MMS22L: variants seen among roughly 807,000 people sequenced by gnomAD.
The protein encoded by MMS22L is MMS22 like, DNA repair protein.
Under a neutral mutation model 159.1 loss-of-function variants are expected in MMS22L, and 74 were observed. The ratio of observed to expected loss-of-function variants is 0.47; its 90% confidence interval spans 0.39 to 0.56. The LOEUF is 0.56. Ranked by LOEUF, MMS22L falls within the 20% of genes least tolerant of loss-of-function variation. The pLI, the probability that MMS22L is intolerant of heterozygous loss-of-function variation, is 0.00. For missense variants in MMS22L, 1,351 were observed against 1,422.1 expected (o/e 0.95, Z 0.80); for synonymous variants, 517 against 506.9 (o/e 1.02, Z -0.27).
intron 14 of MMS22L, among the ~76,000 whole-genome samples, chr6:97,221,333 C>A (rs1038860157): frequency 4.6e-5 from 7 of 151,876 alleles, no homozygotes; most frequent in Non-Finnish European, 1.0e-4. Context: ...AAAAAGTGAC[C>A]CAAATACTAA....
At position 97,186,576 on chromosome 6, in the gene MMS22L, C is replaced by G. The variant is rs1274180313; in HGVS notation, c.2154G>C (p.Trp718Cys). 2 of 1,612,994 alleles carry G rather than the reference C, an allele frequency of 1.2e-6. No homozygotes were observed. The highest frequency in any genetic ancestry group is 4.5e-5 in the East Asian group (2 of 44,800). ...RHLAAVASAL[W>C]RHFFSFLKSQ... ...TCTTCAAAAATGAAAAGAAATGTCT[C>G]CACAGTGCACTGGCAACTGCAGCAA... is the stretch of plus-strand genomic sequence containing the variant. The change falls in exon 15 of 25, where the codon TGG becomes TGC. Residue 718 changes from tryptophan to cysteine, a missense_variant. Trp to Cys is a radical substitution (Grantham distance 215). Coordinates refer to ENST00000683635, the MANE Select transcript of MMS22L (RefSeq NM_001350599.2).
chr6:97,236,511 T>C (rs1811428721), intron 11 of MMS22L, among the ~76,000 whole-genome samples: 3 of 152,092 alleles, frequency 2.0e-5, no homozygotes, highest in African/African-American at 7.2e-5. Flanking sequence ...GTGTGGGAGA[T>C]AGGAGAGAAA....
intron 14 of MMS22L, among the ~76,000 whole-genome samples, chr6:97,224,131 A>G (rs1809956936): frequency 6.6e-6 from 1 of 152,208 alleles, no homozygotes; most frequent in South Asian, 2.1e-4. Context: ...GAAGGCCAAT[A>G]GCACAACCCC....
chr6:97,161,281 T>C (rs1802406572), intron 22 of MMS22L, among the ~76,000 whole-genome samples: 2 of 152,080 alleles, frequency 1.3e-5, no homozygotes, highest in African/African-American at 4.8e-5. Flanking sequence ...GGCAGGACTC[T>C]CTTTGACTGT....
At chr6:97,181,810 GA>G (rs1804740424) in intron 16 of MMS22L, 93 bp downstream of exon 16, 2 of 1,337,328 alleles carry the variant, frequency 1.5e-6, no homozygotes, top group South Asian at 1.5e-5. Flanking sequence ...ATGTAGTAGA[GA>G]TCAGTCCTCA....
chr6:97,143,841 A>C lies in MMS22L; in HGVS notation c.*2965T>G, dbSNP rs1405074048. 6.6e-6 allele frequency: 1 copy of C among 152,432 alleles called. No individual in the cohort carries two copies. The highest frequency in any genetic ancestry group is 1.5e-5 in the Non-Finnish European group (1 of 68,264). 9.4% of individuals were successfully genotyped at this position (152,432 alleles called of 1,614,324 possible). On this transcript the variant is annotated 3_prime_UTR_variant, in exon 25 of 25. Transcript: ENST00000683635. ...GGTGGCTCATCACGCCTGTAATCCC[A>C]GCACTTTGGGAGGCCGAGGCGGGCG...
At chr6:97,161,662 T>C (rs1174800914) in intron 22 of MMS22L, among the ~76,000 whole-genome samples, 2 of 152,078 alleles carry the variant, frequency 1.3e-5, no homozygotes, top group Non-Finnish European at 2.9e-5. Flanking sequence ...CTCTCATTAC[T>C]TGATATTTAA....
intron 15 of MMS22L, among the ~76,000 whole-genome samples, chr6:97,183,224 C>G (rs1804898445): frequency 6.6e-6 from 1 of 152,144 alleles, no homozygotes; most frequent in African/African-American, 2.4e-5. Context: ...GATCCTACAA[C>G]CATTTCCTCA....
rs1813591582 is a variant in MMS22L at position 97,254,609 on chromosome 6, G to T, written c.1067C>A (p.Thr356Asn). ...DPLGFSWWII[T>N]HVASFYKFDR... ...AAACTTGTAAAATGATGCTACATGA[G>T]TAATAATCCACCAACTAAAACCTAA... Residue 356 changes from threonine to asparagine, a missense_variant, in exon 10 of 25, where the codon ACT becomes AAT. Transcript: ENST00000683635. The T allele has an allele frequency of 6.2e-7, 1 of 1,613,494 alleles. No individual in the cohort carries two copies.
chr6:97,150,469 T>G (rs1420558775), intron 23 of MMS22L, among the ~76,000 whole-genome samples: 2 of 152,196 alleles, frequency 1.3e-5, no homozygotes, highest in Non-Finnish European at 2.9e-5. Context: ...ATATATTTTA[T>G]GTTCCTTAAC....
intron 6 of MMS22L, 59 bp downstream of exon 6, chr6:97,272,645 A>G: frequency 7.0e-7 from 1 of 1,435,112 alleles, no homozygotes; most frequent in Non-Finnish European, 9.6e-7. Flanking sequence ...TTCTTGAATG[A>G]ATACTCCTTG....
chr6:97,201,831 T>A (rs1336498042), intron 14 of MMS22L, among the ~76,000 whole-genome samples: 1 of 152,228 alleles, frequency 6.6e-6, no homozygotes, highest in Non-Finnish European at 1.5e-5. Flanking sequence ...AGAGCCTAGA[T>A]TGACAGAATA....
At chr6:97,234,669 A>G (rs1168996383) in intron 11 of MMS22L, among the ~76,000 whole-genome samples, 1 of 152,184 alleles carries the variant, frequency 6.6e-6, no homozygotes, top group Non-Finnish European at 1.5e-5. Flanking sequence ...ACATTTTTGG[A>G]AAGAAAAGAA....
chr6:97,178,039 G>A (rs528954092), intron 18 of MMS22L, among the ~76,000 whole-genome samples: 1 of 152,272 alleles, frequency 6.6e-6, no homozygotes, highest in African/African-American at 2.4e-5. Flanking sequence ...AGTAGATGGT[G>A]CTTATGCCTA....
At chr6:97,147,113 C>T (rs1327794395) in intron 24 of MMS22L, among the ~76,000 whole-genome samples, 3 of 151,910 alleles carry the variant, frequency 2.0e-5, no homozygotes, top group Non-Finnish European at 4.4e-5. Context: ...AAAATGTGTG[C>T]TAAAAATGAC....
At chr6:97,169,416 A>G (rs1803299179) in intron 19 of MMS22L, among the ~76,000 whole-genome samples, 1 of 152,166 alleles carries the variant, frequency 6.6e-6, no homozygotes, top group African/African-American at 2.4e-5. Flanking sequence ...CATCTACTGC[A>G]TAAACTTTTA....
chr6:97,230,506 A>G (rs1810747265), intron 13 of MMS22L: 1 of 152,052 alleles, frequency 6.6e-6, no homozygotes, highest in Non-Finnish European at 1.5e-5. Context: ...CAAACTCTTA[A>G]AAGTAAAAAT....
chr6:97,261,629 C>T (rs1401147729), intron 9 of MMS22L: 1 of 152,164 alleles, frequency 6.6e-6, no homozygotes, highest in Admixed American at 6.5e-5. Flanking sequence ...TCAAAAGTTA[C>T]ATGCAGTTTT....
At chr6:97,256,336 T>C (rs1813805924) in intron 9 of MMS22L, among the ~76,000 whole-genome samples, 2 of 152,280 alleles carry the variant, frequency 1.3e-5, no homozygotes, top group South Asian at 4.1e-4. Flanking sequence ...ATGGTACTAT[T>C]ACTATGTGCT....
Sources: gnomAD v4.1 joint callset for allele counts (sites outside exome capture counted in the v4.1 genomes callset) on GRCh38, gnomAD v4.1.1 for gene constraint, MANE v1.5 for transcripts, NCBI Gene and HGNC (gene_info 2026-07-23, HGNC 2026-07-21) for gene names.